The following COL7A1 variants were observed in gnomAD, a reference collection of about 807,000 sequenced individuals.
COL7A1 encodes the protein collagen alpha-1(VII) chain.
A neutral mutation model predicts 456.2 loss-of-function variants in COL7A1; 296 were observed. That is an observed-to-expected ratio of 0.65 (90% confidence interval 0.59 to 0.71). The LOEUF (loss-of-function observed/expected upper bound fraction) is 0.71, where lower values mean the gene tolerates loss of function less well. Among genes scored for constraint, COL7A1 ranks in the 30% least tolerant of loss-of-function variants. The pLI, the probability that COL7A1 is intolerant of heterozygous loss-of-function variation, is 0.00. For missense variants in COL7A1, 3,441 were observed against 4,017.2 expected (o/e 0.86, Z 3.88); for synonymous variants, 1,464 against 1,525.9 (o/e 0.96, Z 0.95).
In COL7A1 at chr3:48,585,224, C is replaced by A; in HGVS notation, c.3895-108G>T. 9.0e-7 allele frequency: 1 copy of A among 1,105,520 alleles called. No individual in the cohort carries two copies. Among genetic ancestry groups the A allele is most frequent in the Non-Finnish European group, 1.3e-6 (1 of 753,302 alleles). The allele number at this position is 1,105,520 out of a possible 1,614,324, so 68.5% of individuals were successfully genotyped here. A position where few individuals can be genotyped will look rare whatever the true frequency, so the allele number is the denominator to read the frequency against. On this transcript the variant is annotated intron_variant, in intron 32 of 118. Coordinates refer to ENST00000681320, the MANE Select transcript of COL7A1 (RefSeq NM_000094.4). This position sits in a 1 kb window ranked among gnomAD's most constrained non-coding sequence, Gnocchi z 4.5. ...AGGGGTCGCCTACCCCACTGACCCC[C>A]AAGTGTTATTGGGGGTGGAACAGTG...
rs368642011 is a variant in COL7A1 at position 48,592,620 on chromosome 3, G to A, written c.926C>T (p.Ala309Val). ...CTCCCCGATGCTGTTGGCGTAGAGG[G>A]CAATCACAGTCACTTGGTACTCGGT... ...PLTEYQVTVI[A>V]LYANSIGEAV... is the part of the protein sequence containing the mutation. Residue 309 changes from alanine to valine, a missense_variant, in exon 8 of 119, where the codon GCC becomes GTC. Physicochemically the swap from Ala to Val is moderately conservative, Grantham distance 64 (BLOSUM62 0). Transcript: ENST00000681320. This position sits in a 1 kb window ranked among gnomAD's most constrained non-coding sequence, Gnocchi z 7.6. 6 of 1,613,876 alleles carry A rather than the reference G, an allele frequency of 3.7e-6. No homozygotes were observed. The Admixed American group carries it at 5.0e-5, about 13-fold the overall frequency.
Position 48,575,625 on chromosome 3 carries a change from C to A in COL7A1, c.5979+1G>T. 1 of 1,613,278 alleles carries A rather than the reference C, an allele frequency of 6.2e-7. No individual in the cohort carries two copies. Among genetic ancestry groups the A allele is most frequent in the Non-Finnish European group, 8.5e-7 (1 of 1,180,026 alleles). ...CAACCCACTGAGCCACTTCTGCTCACCTCCTTGCCTGGGGGGCCCTGTTCG... is the reference window on the plus strand; with the variant it reads ...CAACCCACTGAGCCACTTCTGCTCAACTCCTTGCCTGGGGGGCCCTGTTCG... On this transcript the variant is annotated splice_donor_variant, in intron 73 of 118. Transcript: ENST00000681320. LOFTEE classifies it high-confidence loss of function. The surrounding 1 kb of genome is among the most constrained non-coding windows in gnomAD (Gnocchi z 6.3).
At position 48,570,677 on chromosome 3, in the gene COL7A1, G is replaced by T; in HGVS notation, c.7306C>A (p.Pro2436Thr). Residue 2436 changes from proline to threonine, a missense_variant, in exon 96 of 119, where the codon CCA becomes ACA. Transcript: ENST00000681320. This position sits in a 1 kb window ranked among gnomAD's most constrained non-coding sequence, Gnocchi z 5.5. ...LAGPPGREGIPGPLGPPGPPG... is the reference protein window; with the variant it reads ...LAGPPGREGITGPLGPPGPPG... ...GGTCCAGGTGGCCCCAGGGGTCCTG[G>T]GATTCCTTCTCTCCCTGGGGGGCCT... 6.3e-7 allele frequency: 1 copy of T among 1,590,644 alleles called. No individual in the cohort carries two copies. Among genetic ancestry groups the T allele is most frequent in the Non-Finnish European group, 8.6e-7 (1 of 1,167,582 alleles).
Position 48,576,525 on chromosome 3 carries a change from G to A in COL7A1, c.5733C>T (p.Pro1911=). The change falls in exon 69 of 119, where the codon CCC becomes CCT. Residue 1911 remains proline, a synonymous_variant. Coordinates refer to ENST00000681320, the MANE Select transcript of COL7A1 (RefSeq NM_000094.4). Reference sequence around the variant, plus strand: ...CCTACCCAACATCCGCACTCACCTTGGGGCCCGTGCCTCCTGGGACACCAG... The same window carrying A: ...CCTACCCAACATCCGCACTCACCTTAGGGCCCGTGCCTCCTGGGACACCAG... ...GFPGVPGGTG[P]KGDRGETGSK... 6.2e-7 allele frequency: 1 copy of A among 1,611,612 alleles called. No individual in the cohort carries two copies. The highest frequency in any genetic ancestry group is 1.3e-5 in the African/African-American group (1 of 74,940).
Position 48,574,299 on chromosome 3 carries a change from G to A in COL7A1, c.6464C>T (p.Pro2155Leu), listed in dbSNP as rs2044139188. ...PRGQDGNPGLPGERGMAGPEG... is the reference protein window; with the variant it reads ...PRGQDGNPGLLGERGMAGPEG... ...AGGCCCAGCCATACCACGCTCTCCTGGTAGACCCTGCAGAGAATAGGTTTA... is the reference window on the plus strand; with the variant it reads ...AGGCCCAGCCATACCACGCTCTCCTAGTAGACCCTGCAGAGAATAGGTTTA... Residue 2155 changes from proline to leucine, a missense_variant, in exon 80 of 119, where the codon CCA (proline) becomes CTA (leucine). This residue lies in a region of COL7A1 where 2,084 missense variants were observed against 2,501.3 expected (regional missense o/e 0.83). Coordinates refer to ENST00000681320, the MANE Select transcript of COL7A1 (RefSeq NM_000094.4). This position sits in a 1 kb window ranked among gnomAD's most constrained non-coding sequence, Gnocchi z 5.0. 1.4e-5 allele frequency: 22 copies of A among 1,614,076 alleles called. No individual in the cohort carries two copies. Among genetic ancestry groups the A allele is most frequent in the Non-Finnish European group, 1.8e-5 (21 of 1,180,006 alleles).
chr3:48,565,598 T>C lies in COL7A1; in HGVS notation c.8440+38A>G, dbSNP rs776810293. 3 of 1,613,908 alleles carry C rather than the reference T, an allele frequency of 1.9e-6. No individual in the cohort carries two copies. The South Asian group carries it at 3.3e-5, about 18-fold the overall frequency. On this transcript the variant is annotated intron_variant, in intron 115 of 118. Transcript: ENST00000681320. This position sits in a 1 kb window ranked among gnomAD's most constrained non-coding sequence, Gnocchi z 4.5. ...CCCAGTTGATAGGCAGGGCAGGGCC[T>C]GGGGTGAAGAAAGTTCTGGGAGTAG... is the stretch of plus-strand genomic sequence containing the variant.
chr3:48,574,448 C>G lies in COL7A1; in HGVS notation c.6456+40G>C, dbSNP rs760854997. 1 of 1,613,944 alleles carries G rather than the reference C, an allele frequency of 6.2e-7. No individual in the cohort carries two copies. Among genetic ancestry groups the G allele is most frequent in the Non-Finnish European group, 8.5e-7 (1 of 1,179,868 alleles). ...CACACAGGACAATACATGTGAGAGC[C>G]ACCTTCTTGCACATGTGTGGCTGTT... On this transcript the variant is annotated intron_variant, in intron 79 of 118. Transcript: ENST00000681320. The surrounding 1 kb of genome is among the most constrained non-coding windows in gnomAD (Gnocchi z 5.0).
At chr3:48,576,105 T>C in intron 71 of COL7A1, 144 bp downstream of exon 71, 1 of 1,423,314 alleles carries the variant, frequency 7.0e-7, no homozygotes, top group Non-Finnish European at 9.8e-7. Flanking sequence ...CCCTTGAGTG[T>C]GGGCTACAAG....
rs370024355 is a variant in COL7A1 at position 48,582,139 on chromosome 3, G to A, written c.4635+184C>T. Among the ~76,000 whole-genome samples the A allele has an allele frequency of 5.9e-5, 9 of 152,308 alleles. No homozygotes were observed. In the East Asian group the frequency reaches 7.7e-4, roughly 13 times the overall value. ...ACAAAGAGCTCATGACCTGCATGGC[G>A]GTCTTGGGGTCACAGGATCATAGCC... On this transcript the variant is annotated intron_variant, in intron 47 of 118. Coordinates refer to ENST00000681320, the MANE Select transcript of COL7A1 (RefSeq NM_000094.4).
At position 48,565,545 on chromosome 3, in the gene COL7A1, C is replaced by A; in HGVS notation, c.8441-49G>T. On this transcript the variant is annotated intron_variant, in intron 115 of 118. Coordinates refer to ENST00000681320, the MANE Select transcript of COL7A1 (RefSeq NM_000094.4). The surrounding 1 kb of genome is among the most constrained non-coding windows in gnomAD (Gnocchi z 4.5). ...AGGGCCCTGAAGTCACCATGGGCAG[C>A]CATCCCAGCCAACCCCCCTGAGAGG... 1 of 1,613,470 alleles carries A rather than the reference C, an allele frequency of 6.2e-7. No individual in the cohort carries two copies. Among genetic ancestry groups the A allele is most frequent in the Non-Finnish European group, 8.5e-7 (1 of 1,179,468 alleles).
Position 48,578,271 on chromosome 3 carries a change from T to A in COL7A1, c.5532+50A>T. 1 of 1,609,562 alleles carries A rather than the reference T, an allele frequency of 6.2e-7. No individual in the cohort carries two copies. The highest frequency in any genetic ancestry group is 8.5e-7 in the Non-Finnish European group (1 of 1,177,962). ...GCTACAGATCTTGGCTGTGTAGGTG[T>A]GCTGGCGTTTCTTGGCAGGTTTCGC... On this transcript the variant is annotated intron_variant, in intron 65 of 118. Transcript: ENST00000681320. The surrounding 1 kb of genome is among the most constrained non-coding windows in gnomAD (Gnocchi z 4.7).
Position 48,568,676 on chromosome 3 carries a change from C to A in COL7A1, c.7758+108G>T. The A allele has an allele frequency of 6.8e-7, 1 of 1,476,148 alleles. No homozygotes were observed. The highest frequency in any genetic ancestry group is 9.2e-7 in the Non-Finnish European group (1 of 1,081,092). The allele number at this position is 1,476,148 out of a possible 1,614,324, so 91.4% of individuals were successfully genotyped here. A position where few individuals can be genotyped will look rare whatever the true frequency, so the allele number is the denominator to read the frequency against. On this transcript the variant is annotated intron_variant, in intron 104 of 118. Coordinates refer to ENST00000681320, the MANE Select transcript of COL7A1 (RefSeq NM_000094.4). This position sits in a 1 kb window ranked among gnomAD's most constrained non-coding sequence, Gnocchi z 5.2. ...CCCGGGTGAACACACATGGGGCCGG[C>A]AGCAAGGGAGCCAGAACCCCCAGCA...
At position 48,571,872 on chromosome 3, in the gene COL7A1, G is replaced by T; in HGVS notation, c.7068+129C>A. The stretch of plus-strand genomic sequence containing the variant: ...TGGCTCCCTGTGATCCAGAGAGCAG[G>T]CTCCTGGATGTTGGGACATGCAGCC... On this transcript the variant is annotated intron_variant, in intron 92 of 118. Coordinates refer to ENST00000681320, the MANE Select transcript of COL7A1 (RefSeq NM_000094.4). The surrounding 1 kb of genome is among the most constrained non-coding windows in gnomAD (Gnocchi z 4.6). 2 of 1,121,738 alleles carry T rather than the reference G, an allele frequency of 1.8e-6. No homozygotes were observed. Among genetic ancestry groups the T allele is most frequent in the South Asian group, 1.4e-5 (1 of 72,342 alleles). 69.5% of individuals were successfully genotyped at this position (1,121,738 alleles called of 1,614,324 possible). A position where few individuals can be genotyped will look rare whatever the true frequency, so the allele number is the denominator to read the frequency against.
At position 48,590,935 on chromosome 3, in the gene COL7A1, G is replaced by T; in HGVS notation, c.1637-119C>A. 4 of 1,018,650 alleles carry T rather than the reference G, an allele frequency of 3.9e-6. No individual in the cohort carries two copies. The highest frequency in any genetic ancestry group is 1.3e-5 in the South Asian group (1 of 74,872). The allele number at this position is 1,018,650 out of a possible 1,614,324, so 63.1% of individuals were successfully genotyped here. On this transcript the variant is annotated intron_variant, in intron 13 of 118. Transcript: ENST00000681320. This position sits in a 1 kb window ranked among gnomAD's most constrained non-coding sequence, Gnocchi z 4.6. ...GCCATGGGGGTGGGGATGTGGGGTG[G>T]TGGGGACCAGAGAGCTGGGATATGG...
intron 71 of COL7A1, 143 bp downstream of exon 71, chr3:48,576,106 G>A (rs2044279442): frequency 1.4e-6 from 2 of 1,423,086 alleles, no homozygotes; most frequent in Non-Finnish European, 2.0e-6. Context: ...CCTTGAGTGT[G>A]GGCTACAAGA....
Position 48,581,421 on chromosome 3 carries a change from A to T in COL7A1, c.4818+27T>A, listed in dbSNP as rs1399550109. On this transcript the variant is annotated intron_variant, in intron 51 of 118. Coordinates refer to ENST00000681320, the MANE Select transcript of COL7A1 (RefSeq NM_000094.4). The surrounding 1 kb of genome is among the most constrained non-coding windows in gnomAD (Gnocchi z 5.8). The stretch of plus-strand genomic sequence containing the variant: ...AGGGGAGGGGACCCCAGAAGCCTTG[A>T]GGTTGCCCAGGGTAACGGGTACTCA... 1.2e-6 allele frequency: 2 copies of T among 1,613,764 alleles called. No homozygotes were observed. Among genetic ancestry groups the T allele is most frequent in the Non-Finnish European group, 1.7e-6 (2 of 1,179,982 alleles).
In COL7A1 at chr3:48,584,930, G is replaced by A. The variant is rs139935808; in HGVS notation, c.3991C>T (p.Pro1331Ser). 84 of 1,613,978 alleles carry A rather than the reference G, an allele frequency of 5.2e-5. No individual in the cohort carries two copies. The African/African-American group carries it at 1.0e-3, about 20-fold the overall frequency. The change falls in exon 34 of 119, where the codon CCT becomes TCT. Residue 1331 changes from proline (P) to serine (S), a missense_variant. By Grantham distance (74) the Pro-to-Ser change is moderately conservative. Around this residue, in one of 3 missense-constraint regions of COL7A1, gnomAD observed 2,084 missense variants for 2,501.3 expected, o/e 0.83. Coordinates refer to ENST00000681320, the MANE Select transcript of COL7A1 (RefSeq NM_000094.4). ...CTTACCGGGTCCCCACGAGGGCCAG[G>A]CAACCCTGGAGAGCCCTGCAAATGG... ...APGLKGSPGL[P>S]GPRGDPGERG...
Position 48,583,461 on chromosome 3 carries a change from T to C in COL7A1, c.4402-33A>G, listed in dbSNP as rs2044936486. 3 of 1,614,124 alleles carry C rather than the reference T, an allele frequency of 1.9e-6. No homozygotes were observed. The highest frequency in any genetic ancestry group is 1.6e-4 in the Middle Eastern group (1 of 6,062). ...GGATGAATTTGGGGGTTCAGAGATT[T>C]GGGTTTGGGCATGAGGATGGAGCAG... On this transcript the variant is annotated intron_variant, in intron 41 of 118. Coordinates refer to ENST00000681320, the MANE Select transcript of COL7A1 (RefSeq NM_000094.4). This position sits in a 1 kb window ranked among gnomAD's most constrained non-coding sequence, Gnocchi z 5.1.
At position 48,593,272 on chromosome 3, in the gene COL7A1, A is replaced by G; in HGVS notation, c.521-9T>C. 1.2e-6 allele frequency: 2 copies of G among 1,614,048 alleles called. No homozygotes were observed. The highest frequency in any genetic ancestry group is 8.5e-7 in the Non-Finnish European group (1 of 1,179,980). On this transcript the variant is annotated splice_polypyrimidine_tract_variant and intron_variant, in intron 5 of 118. Coordinates refer to ENST00000681320, the MANE Select transcript of COL7A1 (RefSeq NM_000094.4). This position sits in a 1 kb window ranked among gnomAD's most constrained non-coding sequence, Gnocchi z 4.4. ...GTCAGCATTCTTGATCCCTGAAGTG[A>G]CGACCCATCAGGACTCAGTCACCCA... is the stretch of plus-strand genomic sequence containing the variant.
Sources: allele counts gnomAD v4.1 joint callset (sites outside exome capture counted in the v4.1 genomes callset), GRCh38; gene constraint gnomAD v4.1.1; regional missense constraint gnomAD v4.1.1; non-coding constraint Gnocchi (gnomAD v3.1); transcripts MANE v1.5; gene names NCBI Gene and HGNC (gene_info 2026-07-23, HGNC 2026-07-21).